The following ECT2 variants were observed in gnomAD, a reference collection of about 807,000 sequenced individuals.
ECT2 encodes epithelial cell transforming 2, also known as protein ECT2.
Under a neutral mutation model 116.9 loss-of-function variants are expected in ECT2, and 61 were observed. The ratio of observed to expected loss-of-function variants is 0.52; its 90% CI spans 0.42 to 0.65. The LOEUF is 0.65. Among genes scored for constraint, ECT2 ranks in the 30% least tolerant of loss-of-function variants. The pLI is 0.00. For synonymous variants in ECT2, 358 were observed against 346.4 expected (o/e 1.03, Z -0.37); for missense variants, 937 against 1,078.7 (o/e 0.87, Z 1.84).
In ECT2 at chr3:172,806,679, G is replaced by A. The variant is rs1224061581; in HGVS notation, c.2245+810G>A. ...TTTTTTTTTTTTTTTTTGAGATGACGTCTTAGTCTGTCACCCAAGCTGGAG... is the reference window on the plus strand; with the variant it reads ...TTTTTTTTTTTTTTTTTGAGATGACATCTTAGTCTGTCACCCAAGCTGGAG... On this transcript the variant is annotated intron_variant, in intron 21 of 24. Coordinates refer to ENST00000392692, the MANE Select transcript of ECT2 (RefSeq NM_001258315.2). Among the ~76,000 whole-genome samples the A allele has an allele frequency of 9.3e-5, 9 of 96,856 alleles. No homozygotes were observed. In the Admixed American group the frequency reaches 1.5e-3, roughly 16 times the overall value. The allele number at this position is 96,856 out of a possible 152,430, so 63.5% of individuals were successfully genotyped here.
Position 172,782,176 on chromosome 3 carries a change from A to G in ECT2, c.1562A>G (p.Asp521Gly), listed in dbSNP as rs761620510. ...VHTKIKDDLE[D>G]LIVNWDESKS... ...GTGCTATTTCAGGATGATCTTGAAG[A>G]CCTTATAGTTAATTGGGATGAGAGC... is the stretch of plus-strand genomic sequence containing the variant. Residue 521 changes from aspartate (D) to glycine (G), a missense_variant, in exon 15 of 25, where the codon GAC becomes GGC. By Grantham distance (94) the Asp-to-Gly change is moderately conservative (BLOSUM62 -1). Transcript: ENST00000392692. 1.3e-5 allele frequency: 21 copies of G among 1,573,310 alleles called. No homozygotes were observed. In the Admixed American group the frequency reaches 2.1e-4, roughly 16 times the overall value.
chr3:172,809,205 C>A (rs1728293273), intron 22 of ECT2, among the ~76,000 whole-genome samples: 1 of 151,930 alleles, frequency 6.6e-6, no homozygotes, highest in African/African-American at 2.4e-5. Context: ...TTATAGAGTC[C>A]TTTCCAAACT....
At chr3:172,764,186 A>T (rs1718875300) in intron 11 of ECT2, 92 bp from the exon 12 acceptor site, 1 of 1,137,430 alleles carries the variant, frequency 8.8e-7, no homozygotes, top group African/African-American at 1.6e-5. Context: ...CAAAATCCAG[A>T]TTCTGTCAGA....
At chr3:172,817,604 G>A (rs1729973911) in intron 24 of ECT2, among the ~76,000 whole-genome samples, 1 of 151,918 alleles carries the variant, frequency 6.6e-6, no homozygotes, top group Non-Finnish European at 1.5e-5. Context: ...CATGTATATT[G>A]TATATATATG....
At chr3:172,786,712 C>T in intron 18 of ECT2, 138 bp downstream of exon 18, 2 of 597,188 alleles carry the variant, frequency 3.3e-6, no homozygotes, top group East Asian at 2.8e-5. Context: ...AGTGTAGTTA[C>T]ACATTAAAAT....
intron 16 of ECT2, among the ~76,000 whole-genome samples, chr3:172,784,427 T>G (rs1723257763): frequency 6.6e-6 from 1 of 152,206 alleles, no homozygotes; most frequent in Admixed American, 6.5e-5. Flanking sequence ...AATGTGCTTT[T>G]TCTTGTGAAT....
At chr3:172,755,966 G>C (rs866679485) in intron 4 of ECT2, among the ~76,000 whole-genome samples, 1 of 152,222 alleles carries the variant, frequency 6.6e-6, no homozygotes, top group Non-Finnish European at 1.5e-5. Context: ...ATTAAGGTGT[G>C]TGTAGGTTTA....
Position 172,820,235 on chromosome 3 carries a change from T to G in ECT2, c.2743T>G (p.Ter915GlyextTer12). 6.3e-7 allele frequency: 1 copy of G among 1,596,130 alleles called. No homozygotes were observed. The highest frequency in any genetic ancestry group is 8.5e-7 in the Non-Finnish European group (1 of 1,170,242). The change falls in exon 25 of 25, where the codon TGA (stop) becomes GGA (glycine). Residue 915 changes from the stop codon to glycine, a stop_lost. Coordinates refer to ENST00000392692, the MANE Select transcript of ECT2 (RefSeq NM_001258315.2). ...TLSRSTTHLI[*>G] ...AAGTAGATCTACAACTCATTTGATA[T>G]GAAGCGTTACCAAAATCTTAAATTA...
At chr3:172,821,733 C>A (rs1262661797), downstream of ECT2, among the ~76,000 whole-genome samples, 2 of 151,786 alleles carry the variant, frequency 1.3e-5, no homozygotes, top group African/African-American at 2.4e-5. Context: ...ATGCATTTTT[C>A]TGGCAGAAAA....
intron 12 of ECT2, 140 bp downstream of exon 12, chr3:172,764,640 A>C: frequency 1.3e-6 from 1 of 742,010 alleles, no homozygotes; most frequent in Non-Finnish European, 2.2e-6. Context: ...GAAAAGACAC[A>C]TGAATAGTTA....
chr3:172,826,615 A>G, the ECT2 span, among the ~76,000 whole-genome samples: 3 of 152,236 alleles, frequency 2.0e-5, no homozygotes, highest in African/African-American at 4.8e-5. Context: ...GTAAAATGCT[A>G]TCAACAGCAC....
At position 172,807,896 on chromosome 3, in the gene ECT2, T is replaced by C. The variant is rs1231596909; in HGVS notation, c.2372T>C (p.Val791Ala). Residue 791 changes from valine to alanine, a missense_variant, in exon 22 of 25, where the codon GTA (valine) becomes GCA (alanine). Coordinates refer to ENST00000392692, the MANE Select transcript of ECT2 (RefSeq NM_001258315.2). ...ENWLKMLCRH[V>A]ANTICKADAE... ...TGGCTAAAGATGCTGTGTCGACATGTAGCTAACACCATTTGTAAAGCAGAT... is the reference window on the plus strand; with the variant it reads ...TGGCTAAAGATGCTGTGTCGACATGCAGCTAACACCATTTGTAAAGCAGAT... 2 of 1,613,692 alleles carry C rather than the reference T, an allele frequency of 1.2e-6. No individual in the cohort carries two copies. Among genetic ancestry groups the C allele is most frequent in the South Asian group, 2.2e-5 (2 of 91,064 alleles).
chr3:172,818,887 C>T (rs1234593059), intron 24 of ECT2: 5 of 1,121,884 alleles, frequency 4.5e-6, no homozygotes, highest in Non-Finnish European at 5.6e-6. Context: ...TCCAAGGAAT[C>T]ACTTATTTGG....
chr3:172,784,290 T>G (rs1292858944), intron 16 of ECT2, among the ~76,000 whole-genome samples: 2 of 152,072 alleles, frequency 1.3e-5, no homozygotes, highest in African/African-American at 4.8e-5. Flanking sequence ...CTACAAAAAG[T>G]TTTTTTTAAA....
chr3:172,761,624 A>T lies in ECT2; in HGVS notation c.699A>T (p.Leu233=). 6 of 1,610,306 alleles carry T rather than the reference A, an allele frequency of 3.7e-6. No individual in the cohort carries two copies. The highest frequency in any genetic ancestry group is 8.5e-7 in the Non-Finnish European group (1 of 1,177,262). The change falls in exon 8 of 25, where the codon CTA becomes CTT. Residue 233 remains leucine (L), a synonymous_variant. Coordinates refer to ENST00000392692, the MANE Select transcript of ECT2 (RefSeq NM_001258315.2). ...QGEKFRVAVS[L]GTPIMKPEWI... is the part of the protein sequence containing the mutation. ...TATATTTTTAGGTTGCTGTGAGTCT[A>T]GGTACTCCAATTATGAAGCCAGAAT...
chr3:172,751,391 A>T (rs1576811283), intron 1 of ECT2, among the ~76,000 whole-genome samples: 1 of 152,240 alleles, frequency 6.6e-6, no homozygotes, highest in East Asian at 1.9e-4. Context: ...GGCTTTGAAT[A>T]CCTCTTTTAC....
At chr3:172,826,081 G>A (rs983548393), downstream of ECT2, among the ~76,000 whole-genome samples, 11 of 152,160 alleles carry the variant, frequency 7.2e-5, no homozygotes, top group Non-Finnish European at 4.4e-5. Flanking sequence ...TTTTAGTAGG[G>A]ATGGGGTTTC....
chr3:172,823,335 G>T, downstream of ECT2, among the ~76,000 whole-genome samples: 1 of 142,890 alleles, frequency 7.0e-6, no homozygotes, highest in Non-Finnish European at 1.5e-5. Context: ...ATTCCCAGAT[G>T]GTTCACAGAA....
At chr3:172,806,333 A>G (rs987983336) in intron 21 of ECT2, among the ~76,000 whole-genome samples, 2 of 152,172 alleles carry the variant, frequency 1.3e-5, no homozygotes, top group African/African-American at 4.8e-5. Context: ...ACTCAGAGTA[A>G]CTGGTAGACT....
Sources: gnomAD v4.1 joint callset for allele counts (sites outside exome capture counted in the v4.1 genomes callset) on GRCh38, gnomAD v4.1.1 for gene constraint, MANE v1.5 for transcripts, NCBI Gene and HGNC (gene_info 2026-07-23, HGNC 2026-07-21) for gene names.